The following PLXNC1 variants were observed in gnomAD, a reference collection of about 807,000 sequenced individuals.
PLXNC1 encodes plexin-C1.
In PLXNC1, 75 loss-of-function variants were observed where a neutral mutation model predicts 178.2. The ratio of observed to expected loss-of-function variants is 0.42; its 90% CI spans 0.35 to 0.51. The LOEUF is 0.51. Among genes scored for constraint, PLXNC1 ranks in the 20% least tolerant of loss-of-function variants. The pLI, the probability that PLXNC1 is intolerant of heterozygous loss-of-function variation, is 0.02. For missense variants in PLXNC1, 1,503 were observed against 1,984.4 expected (o/e 0.76, Z 4.61); for synonymous variants, 790 against 779.9 (o/e 1.01, Z -0.22).
intron 1 of PLXNC1, among the ~76,000 whole-genome samples, chr12:94,157,264 G>A (rs374055718): frequency 3.9e-5 from 6 of 152,166 alleles, no homozygotes; most frequent in Non-Finnish European, 7.4e-5. Context: ...ACAGGATGGC[G>A]GAAGAGCCAC....
At chr12:94,291,680 GTCAC>G (rs1212312947) in intron 23 of PLXNC1, among the ~76,000 whole-genome samples, 1 of 152,172 alleles carries the variant, frequency 6.6e-6, no homozygotes, top group Non-Finnish European at 1.5e-5. Context: ...TTCATTAACA[GTCAC>G]TCCTTATTTC....
intron 10 of PLXNC1, among the ~76,000 whole-genome samples, chr12:94,239,196 C>T (rs1468298853): frequency 6.6e-6 from 1 of 152,214 alleles, no homozygotes; most frequent in African/African-American, 2.4e-5. Context: ...AAGCCAAGTT[C>T]ACAAGCAGTC....
intron 1 of PLXNC1, among the ~76,000 whole-genome samples, chr12:94,152,513 T>C (rs1289637641): frequency 6.6e-6 from 1 of 152,234 alleles, no homozygotes; most frequent in Non-Finnish European, 1.5e-5. Context: ...TTTGATTGCA[T>C]TTGTTCTGCA....
chr12:94,237,901 A>G, intron 10 of PLXNC1, 98 bp downstream of exon 10: 1 of 1,248,774 alleles, frequency 8.0e-7, no homozygotes, highest in South Asian at 1.4e-5. Context: ...TAGTCAAATT[A>G]TTGCCATGCC....
At chr12:94,296,921 TG>T (rs1967979725) in intron 24 of PLXNC1, among the ~76,000 whole-genome samples, 1 of 152,180 alleles carries the variant, frequency 6.6e-6, no homozygotes, top group Non-Finnish European at 1.5e-5. Context: ...GTTAAATGAA[TG>T]AGGCTTGAGC....
chr12:94,275,854 CAAAAAAAA>C (rs34551603), intron 21 of PLXNC1, among the ~76,000 whole-genome samples: 3 of 23,074 alleles, frequency 1.3e-4, no homozygotes, highest in African/African-American at 6.0e-4. Flanking sequence ...GACTCCGTCT[CAAAAAAAA>C]AAAAAAAAAA....
intron 11 of PLXNC1, among the ~76,000 whole-genome samples, chr12:94,242,068 T>C (rs1964404991): frequency 6.6e-6 from 1 of 151,980 alleles, no homozygotes; most frequent in Non-Finnish European, 1.5e-5. Context: ...TTAATATTCT[T>C]ATTTAAGATC....
chr12:94,251,479 A>T lies in PLXNC1; in HGVS notation c.2832A>T (p.Thr944=), dbSNP rs2230757. 6.2e-7 allele frequency: 1 copy of T among 1,613,028 alleles called. No homozygotes were observed. Among genetic ancestry groups the T allele is most frequent in the Non-Finnish European group, 8.5e-7 (1 of 1,179,134 alleles). Residue 944 remains threonine, a synonymous_variant, in exon 15 of 31, where the codon ACA becomes ACT. Transcript: ENST00000258526. ...LYVEQESVPS[T]WYFLIVLPVL... ...TCGAGCAGGAGTCAGTTCCTTCCAC[A>T]TGGTATTTTCTGATTGTGCTCCCTG...
At chr12:94,159,072 A>G (rs983136850) in intron 1 of PLXNC1, among the ~76,000 whole-genome samples, 4 of 152,218 alleles carry the variant, frequency 2.6e-5, no homozygotes, top group African/African-American at 9.7e-5. Flanking sequence ...TAGAAGGACT[A>G]TCATTTGTTC....
chr12:94,155,652 G>C (rs918302823), intron 1 of PLXNC1, among the ~76,000 whole-genome samples: 1 of 152,176 alleles, frequency 6.6e-6, no homozygotes, highest in African/African-American at 2.4e-5. Flanking sequence ...TGGGCTTAGA[G>C]TCTGAGTCTC....
chr12:94,277,741 A>G (rs901915120), intron 21 of PLXNC1: 21 of 350,508 alleles, frequency 6.0e-5, no homozygotes, highest in Admixed American at 1.2e-4. Context: ...ATGAGTGGAT[A>G]CTAATGCCAA....
chr12:94,230,169 C>T (rs1487625535), intron 9 of PLXNC1, among the ~76,000 whole-genome samples: 1 of 152,260 alleles, frequency 6.6e-6, no homozygotes, highest in East Asian at 1.9e-4. Context: ...TTTATCATTT[C>T]AATAATTTTA....
At chr12:94,195,302 G>T (rs1452312060) in intron 4 of PLXNC1, among the ~76,000 whole-genome samples, 1 of 152,176 alleles carries the variant, frequency 6.6e-6, no homozygotes, top group Non-Finnish European at 1.5e-5. Flanking sequence ...GGTGTGTTTT[G>T]TAAAGAGAGA....
intron 1 of PLXNC1, among the ~76,000 whole-genome samples, chr12:94,160,144 C>A (rs1488601653): frequency 6.6e-6 from 1 of 152,056 alleles, no homozygotes; most frequent in Non-Finnish European, 1.5e-5. Context: ...TGTGTCAGGC[C>A]CCACACATCC....
chr12:94,166,323 T>C (rs1026434861), intron 1 of PLXNC1, among the ~76,000 whole-genome samples: 2 of 152,188 alleles, frequency 1.3e-5, no homozygotes, highest in African/African-American at 4.8e-5. Flanking sequence ...TGTGCTCTTA[T>C]CATCATTTCC....
At chr12:94,254,717 A>G (rs7980141) in intron 15 of PLXNC1, 70 bp from the exon 16 acceptor site, 579,619 of 1,032,216 alleles carry the variant, frequency 0.56, 164,066 homozygotes, top group Admixed American at 0.6. Context: ...AACTGTAAAG[A>G]TTGCTATTTG....
Position 94,255,310 on chromosome 12 carries a change from G to T in PLXNC1, c.3087+14G>T, listed in dbSNP as rs1964808971. On this transcript the variant is annotated intron_variant, in intron 17 of 30. Transcript: ENST00000258526. ...TTCTTCCCTGAGGTAAAAGAGCATT[G>T]ATCATATTCCGAAGGTTGAGTCTTG... 2.0e-6 allele frequency: 3 copies of T among 1,515,244 alleles called. No homozygotes were observed. The highest frequency in any genetic ancestry group is 1.1e-5 in the South Asian group (1 of 89,120). 93.9% of individuals were successfully genotyped at this position (1,515,244 alleles called of 1,614,324 possible).
intron 17 of PLXNC1, chr12:94,256,231 C>T (rs1478886466): frequency 1.3e-5 from 2 of 152,186 alleles, no homozygotes; most frequent in Non-Finnish European, 2.9e-5. Context: ...CCAGAAGCTT[C>T]TCCGGAACAA....
chr12:94,272,519 C>T (rs1186148), intron 21 of PLXNC1: 1 of 152,382 alleles, frequency 6.6e-6, no homozygotes, highest in African/African-American at 2.4e-5. Context: ...GAGGCCAGCT[C>T]TGGGTCACCA....
Sources: allele counts gnomAD v4.1 joint callset (sites outside exome capture counted in the v4.1 genomes callset), GRCh38; gene constraint gnomAD v4.1.1; transcripts MANE v1.5; gene names NCBI Gene and HGNC (gene_info 2026-07-23, HGNC 2026-07-21).